ALG6: variants seen among roughly 807,000 people sequenced by gnomAD.
The protein encoded by ALG6 is dolichyl pyrophosphate Man9GlcNAc2 alpha-1,3-glucosyltransferase.
A neutral mutation model predicts 66.6 loss-of-function variants in ALG6; 46 were observed. The ratio of observed to expected loss-of-function variants is 0.69; its 90% confidence interval spans 0.55 to 0.88. The LOEUF (loss-of-function observed/expected upper bound fraction) is 0.88. ALG6 is among the 40% of genes least tolerant of loss of function. The pLI, the probability that ALG6 is intolerant of heterozygous loss-of-function variation, is 0.00. For missense variants in ALG6, 505 were observed against 586.8 expected (o/e 0.86, Z 1.44); for synonymous variants, 185 against 203.7 (o/e 0.91, Z 0.78).
In ALG6 at chr1:63,415,886, T is replaced by G. The variant is rs769417698; in HGVS notation, c.916T>G (p.Phe306Val). Reference sequence around the variant, plus strand: ...TTAATTTTTTAGCTTTTGTTCTACGTTTTTGAGCCTGCTTCCTGCATGCAT... The same window carrying G: ...TTAATTTTTTAGCTTTTGTTCTACGGTTTTGAGCCTGCTTCCTGCATGCAT... Reference protein sequence around the residue: ...IQLIMSFCSTFLSLLPACIKL... With the variant: ...IQLIMSFCSTVLSLLPACIKL... The change falls in exon 11 of 15, where the codon TTT becomes GTT. Residue 306 changes from phenylalanine (F) to valine (V), a missense_variant. By Grantham distance (50) the Phe-to-Val change is conservative. Coordinates refer to ENST00000263440, the MANE Select transcript of ALG6 (RefSeq NM_013339.4). 78 of 1,609,622 alleles carry G rather than the reference T, an allele frequency of 4.8e-5. No homozygotes were observed. The highest frequency in any genetic ancestry group is 5.6e-5 in the Non-Finnish European group (66 of 1,176,408).
rs114810318 is a variant in ALG6, at chr1:63,370,300, A to G, written c.-207-471A>G. On this transcript the variant is annotated intron_variant, in intron 1 of 14. Coordinates refer to ENST00000263440, the MANE Select transcript of ALG6 (RefSeq NM_013339.4). ...AAGTTGGTGTGGTTAATGCAAGTAT[A>G]TTTTGGAAGAAAAGTAAAAACCAAA... 9.1e-3 allele frequency among the ~76,000 whole-genome samples: 1,382 copies of G among 152,298 alleles called. 24 individuals are homozygous for G. The highest frequency in any genetic ancestry group is 0.032 in the African/African-American group (1,317 of 41,560).
intron 2 of ALG6, among the ~76,000 whole-genome samples, chr1:63,374,519 TC>T (rs1648051910): frequency 6.6e-6 from 1 of 151,908 alleles, no homozygotes; most frequent in African/African-American, 2.4e-5. Flanking sequence ...TCCCAGCTAT[TC>T]CGGAGGATGA....
intron 3 of ALG6, 112 bp downstream of exon 3, chr1:63,396,709 C>T (rs1374414035): frequency 2.2e-6 from 2 of 925,602 alleles, no homozygotes; most frequent in Admixed American, 2.0e-5. Context: ...TCATCTCTTG[C>T]ATGCTGGTGC....
intron 2 of ALG6, among the ~76,000 whole-genome samples, chr1:63,371,584 G>A (rs1647927596): frequency 6.6e-6 from 1 of 151,950 alleles, no homozygotes; most frequent in Admixed American, 6.6e-5. Flanking sequence ...TACTCAGAGG[G>A]CCCACATTTT....
At chr1:63,384,960 G>A (rs1452506893) in intron 2 of ALG6, among the ~76,000 whole-genome samples, 1 of 151,932 alleles carries the variant, frequency 6.6e-6, no homozygotes, top group East Asian at 1.9e-4. Context: ...ACTATTTGGG[G>A]TCTTTTGTGG....
chr1:63,414,143 T>C lies in ALG6; in HGVS notation c.899T>C (p.Met300Thr), dbSNP rs566745283. 2 of 1,599,652 alleles carry C rather than the reference T, an allele frequency of 1.3e-6. No homozygotes were observed. The highest frequency in any genetic ancestry group is 1.3e-5 in the African/African-American group (1 of 74,712). The change falls in exon 10 of 15, where the codon ATG (methionine) becomes ACG (threonine). Residue 300 changes from methionine to threonine, a missense_variant. Met to Thr is a moderately conservative substitution (Grantham distance 81). Coordinates refer to ENST00000263440, the MANE Select transcript of ALG6 (RefSeq NM_013339.4). ...DILPRHIQLIMSFCSTFLSLL... is the reference protein window; with the variant it reads ...DILPRHIQLITSFCSTFLSLL... Reference sequence around the variant, plus strand: ...TTGCCACGTCACATCCAATTAATAATGAGGTAAGAGAAACAAAGTTTGTAT... The same window carrying C: ...TTGCCACGTCACATCCAATTAATAACGAGGTAAGAGAAACAAAGTTTGTAT...
At chr1:63,400,023 C>T (rs1472544748) in intron 3 of ALG6, among the ~76,000 whole-genome samples, 1 of 149,796 alleles carries the variant, frequency 6.7e-6, no homozygotes, top group Non-Finnish European at 1.5e-5. Context: ...GGAGAAACCC[C>T]ATCTCTACTA....
chr1:63,395,386 T>C (rs947832167), intron 2 of ALG6, among the ~76,000 whole-genome samples: 4 of 152,192 alleles, frequency 2.6e-5, no homozygotes, highest in Non-Finnish European at 5.9e-5. Flanking sequence ...CCTTAAGTTA[T>C]TTATAGTTTG....
In ALG6 at chr1:63,411,302, G is replaced by A. The variant is rs2100420950; in HGVS notation, c.651G>A (p.Lys217=). ...ALPFFCFLLG[K]CFKKGLKGKG... Reference sequence around the variant, plus strand: ...CATTTTTTTGCTTTTTACTTGGCAAGTGTTTTAAAAAAGGCCTCAAAGGAA... The same window carrying A: ...CATTTTTTTGCTTTTTACTTGGCAAATGTTTTAAAAAAGGCCTCAAAGGAA... The change falls in exon 8 of 15, where the codon AAG becomes AAA. Residue 217 remains lysine (K), a synonymous_variant. Coordinates refer to ENST00000263440, the MANE Select transcript of ALG6 (RefSeq NM_013339.4). The A allele has an allele frequency of 6.2e-7, 1 of 1,613,736 alleles. No individual in the cohort carries two copies. The highest frequency in any genetic ancestry group is 8.5e-7 in the Non-Finnish European group (1 of 1,179,820).
In ALG6 at chr1:63,437,051, A is replaced by G. The variant is rs1447648311; in HGVS notation, c.*31A>G. The G allele has an allele frequency of 6.3e-7, 1 of 1,578,718 alleles. No homozygotes were observed. The highest frequency in any genetic ancestry group is 1.3e-5 in the African/African-American group (1 of 74,354). On this transcript the variant is annotated 3_prime_UTR_variant, in exon 15 of 15. Transcript: ENST00000263440. ...TTCCTAAACAAATTGTTTCCTAAAC[A>G]AATGTGAAAATGTGAACAGTGCTGA...
At chr1:63,422,022 A>G (rs1265433591) in intron 12 of ALG6, among the ~76,000 whole-genome samples, 2 of 141,574 alleles carry the variant, frequency 1.4e-5, no homozygotes, top group South Asian at 2.1e-4. Flanking sequence ...GTATATATAT[A>G]TACATATATG....
rs866053978 is a variant in ALG6 at position 63,373,634 on chromosome 1, A to T, written c.82+2575A>T. On this transcript the variant is annotated intron_variant, in intron 2 of 14. Coordinates refer to ENST00000263440, the MANE Select transcript of ALG6 (RefSeq NM_013339.4). The stretch of plus-strand genomic sequence containing the variant: ...CAACACACTTTTTTGGGCTATTTTT[A>T]TTTTTCAATTTAATTTAATTTACAT... Among the ~76,000 whole-genome samples the T allele has an allele frequency of 3.0e-3, 388 of 131,126 alleles. 3 individuals carry two copies. The highest frequency in any genetic ancestry group is 0.012 in the Middle Eastern group (3 of 252). 86.0% of individuals were successfully genotyped at this position (131,126 alleles called of 152,430 possible).
At chr1:63,414,389 T>A (rs1644531830) in intron 10 of ALG6, among the ~76,000 whole-genome samples, 1 of 151,914 alleles carries the variant, frequency 6.6e-6, no homozygotes, top group African/African-American at 2.4e-5. Flanking sequence ...GTAGCTGGGA[T>A]TACAGGCGCC....
chr1:63,431,828 A>G (rs941337075), intron 14 of ALG6, among the ~76,000 whole-genome samples: 1 of 152,138 alleles, frequency 6.6e-6, no homozygotes, highest in Non-Finnish European at 1.5e-5. Context: ...TTTCATTTTC[A>G]TAATGTTCAT....
chr1:63,396,438 A>G lies in ALG6; in HGVS notation c.83-75A>G, dbSNP rs796275331. 1.0e-4 allele frequency: 137 copies of G among 1,306,722 alleles called. 2 individuals are homozygous for G. The highest frequency in any genetic ancestry group is 8.2e-4 in the South Asian group (69 of 83,848). 80.9% of individuals were successfully genotyped at this position (1,306,722 alleles called of 1,614,324 possible). A position where few individuals can be genotyped will look rare whatever the true frequency, so the allele number is the denominator to read the frequency against. ...CTACACTGCCTCTCTAATTTAGACAATTTTCATAAGGAAATAAAAATCACT... is the reference window on the plus strand; with the variant it reads ...CTACACTGCCTCTCTAATTTAGACAGTTTTCATAAGGAAATAAAAATCACT... On this transcript the variant is annotated intron_variant, in intron 2 of 14. Coordinates refer to ENST00000263440, the MANE Select transcript of ALG6 (RefSeq NM_013339.4).
intron 2 of ALG6, among the ~76,000 whole-genome samples, chr1:63,371,753 C>T (rs2143833): frequency 0.43 from 64,678 of 151,804 alleles, 13,945 homozygotes; most frequent in East Asian, 0.62. Flanking sequence ...TACAGATGCA[C>T]GCGACCATGC....
Position 63,404,484 on chromosome 1 carries a change from C to T in ALG6, c.289C>T (p.Leu97Phe), listed in dbSNP as rs1644480888. 1 of 1,613,678 alleles carries T rather than the reference C, an allele frequency of 6.2e-7. No individual in the cohort carries two copies. The highest frequency in any genetic ancestry group is 1.3e-5 in the African/African-American group (1 of 75,008). The change falls in exon 5 of 15, where the codon CTC (leucine) becomes TTC (phenylalanine). Residue 97 changes from leucine (L) to phenylalanine (F), a missense_variant. Transcript: ENST00000263440. ...GTTTATAAATCCAGACTGGATTGCT[C>T]TCCATACATCACGTGGATATGAGAG... ...AKFINPDWIALHTSRGYESQA... is the reference protein window; with the variant it reads ...AKFINPDWIAFHTSRGYESQA...
At chr1:63,414,374 C>T (rs985068877) in intron 10 of ALG6, among the ~76,000 whole-genome samples, 4 of 151,790 alleles carry the variant, frequency 2.6e-5, no homozygotes, top group Non-Finnish European at 4.4e-5. Flanking sequence ...GCCTCAGCCT[C>T]TGGAGTAGCT....
At chr1:63,406,832 C>T (rs1570065493) in intron 6 of ALG6, among the ~76,000 whole-genome samples, 1 of 152,008 alleles carries the variant, frequency 6.6e-6, no homozygotes, top group African/African-American at 2.4e-5. Context: ...TCTGACAAAA[C>T]CTTTTAGTGG....
Sources: allele counts gnomAD v4.1 joint callset (sites outside exome capture counted in the v4.1 genomes callset), GRCh38; gene constraint gnomAD v4.1.1; transcripts MANE v1.5; gene names NCBI Gene and HGNC (gene_info 2026-07-23, HGNC 2026-07-21).